The following IL1RAPL1 variants were observed in gnomAD, a reference collection of about 807,000 sequenced individuals.
IL1RAPL1 encodes the protein interleukin 1 receptor accessory protein like 1, also known as interleukin-1 receptor accessory protein-like 1.
A neutral mutation model predicts 48.4 loss-of-function variants in IL1RAPL1; 3 were observed. The observed-to-expected ratio is 0.06, with a 90% CI of 0.03 to 0.16. The LOEUF is 0.16. Among genes scored for constraint, IL1RAPL1 ranks in the 10% least tolerant of loss-of-function variants. The probability of loss-of-function intolerance (pLI) is 1.00; values close to 1 mark genes in which losing one functional copy is unlikely to be tolerated. For missense variants in IL1RAPL1, 349 were observed against 530.6 expected, an observed-to-expected ratio of 0.66 and a Z score of 3.36; for synonymous variants, 185 against 187.7, an observed-to-expected ratio of 0.99 and a Z score of 0.12.
chrX:29,116,274 A>C (rs988940081), intron 2 of IL1RAPL1, among the ~76,000 whole-genome samples: 3 of 111,077 alleles, frequency 2.7e-5, no homozygotes, highest in Admixed American at 9.7e-5. Context: ...GATCAAAATG[A>C]TACTTTAGGA....
chrX:29,345,934 C>T (rs1404141194), intron 3 of IL1RAPL1, among the ~76,000 whole-genome samples: 5 of 111,718 alleles, frequency 4.5e-5, no homozygotes, highest in African/African-American at 9.8e-5. Context: ...ATTTCCTTTC[C>T]CTATACTTTT....
intron 5 of IL1RAPL1, among the ~76,000 whole-genome samples, chrX:29,450,508 A>T (rs1934666924): frequency 9.0e-6 from 1 of 111,690 alleles, no homozygotes; most frequent in Non-Finnish European, 1.9e-5. Context: ...CCAAGCAAAG[A>T]GCCAGATTTT....
At chrX:29,477,871 G>A (rs1339695823) in intron 5 of IL1RAPL1, among the ~76,000 whole-genome samples, 1 of 111,950 alleles carries the variant, frequency 8.9e-6, no homozygotes, top group African/African-American at 3.3e-5. Context: ...GGCAGAGTAG[G>A]AAGTTGAATT....
intron 6 of IL1RAPL1, among the ~76,000 whole-genome samples, chrX:29,812,737 C>A (rs1930406134): frequency 1.8e-5 from 2 of 111,716 alleles, no homozygotes; most frequent in African/African-American, 6.5e-5. Context: ...TAAAAAGCTT[C>A]TTTTCCATAG....
At chrX:29,473,115 G>A (rs932371850) in intron 5 of IL1RAPL1, among the ~76,000 whole-genome samples, 1 of 111,510 alleles carries the variant, frequency 9.0e-6, no homozygotes, top group African/African-American at 3.3e-5. Flanking sequence ...GGCCATGAGG[G>A]AAGGATATGT....
At chrX:29,202,986 C>G (rs1335343598) in intron 2 of IL1RAPL1, among the ~76,000 whole-genome samples, 1 of 111,290 alleles carries the variant, frequency 9.0e-6, no homozygotes, top group Non-Finnish European at 1.9e-5. Context: ...AACAAACCTG[C>G]ACATCCACCC....
chrX:29,191,908 C>T (rs750833766), intron 2 of IL1RAPL1, among the ~76,000 whole-genome samples: 1 of 111,714 alleles, frequency 9.0e-6, no homozygotes, highest in African/African-American at 3.3e-5. Flanking sequence ...TAAGATGCGA[C>T]TACCCCAGCT....
chrX:28,602,648 G>A (rs1275538725), intron 1 of IL1RAPL1, among the ~76,000 whole-genome samples: 2 of 111,689 alleles, frequency 1.8e-5, no homozygotes, highest in Non-Finnish European at 3.8e-5. Context: ...AGAAGATGTG[G>A]GTTATTGTTC....
At chrX:29,094,786 A>G (rs1267385646) in intron 2 of IL1RAPL1, among the ~76,000 whole-genome samples, 1 of 83,057 alleles carries the variant, frequency 1.2e-5, no homozygotes. Flanking sequence ...AAAAAAAAAA[A>G]AAAAAAAAAA....
chrX:29,256,625 A>C (rs755599097), intron 2 of IL1RAPL1, among the ~76,000 whole-genome samples: 2 of 111,808 alleles, frequency 1.8e-5, no homozygotes, highest in East Asian at 5.6e-4. Flanking sequence ...CTGATAGTTC[A>C]GTGACACATA....
intron 2 of IL1RAPL1, among the ~76,000 whole-genome samples, chrX:28,966,866 C>T (rs1280425305): frequency 2.7e-5 from 3 of 111,648 alleles, no homozygotes; most frequent in Middle Eastern, 4.6e-3. Context: ...CATTTAGGCA[C>T]CACAAAGGAA....
At chrX:29,165,084 C>T (rs901772201) in intron 2 of IL1RAPL1, among the ~76,000 whole-genome samples, 5 of 111,800 alleles carry the variant, frequency 4.5e-5, no homozygotes, top group Admixed American at 9.6e-5. Flanking sequence ...TTTAGGGGGC[C>T]GAGGCGGGTG....
chrX:29,873,389 A>C (rs368681400), intron 6 of IL1RAPL1, among the ~76,000 whole-genome samples: 986 of 85,561 alleles, frequency 0.012, 20 homozygotes, highest in African/African-American at 0.045. Context: ...CCCCCCCCCC[A>C]ATTATATGTT....
intron 2 of IL1RAPL1, among the ~76,000 whole-genome samples, chrX:29,275,009 T>A (rs917500977): frequency 1.2e-4 from 13 of 110,885 alleles, no homozygotes; most frequent in African/African-American, 3.6e-4. Flanking sequence ...TTCTGAGTTG[T>A]CTCCTTACTC....
At chrX:29,411,345 G>A in intron 5 of IL1RAPL1, among the ~76,000 whole-genome samples, 1 of 112,377 alleles carries the variant, frequency 8.9e-6, no homozygotes, top group Non-Finnish European at 1.9e-5. Context: ...TGATGCCTGT[G>A]TGAGAGCATA....
At chrX:29,798,535 C>A (rs761298051) in intron 6 of IL1RAPL1, among the ~76,000 whole-genome samples, 21 of 111,811 alleles carry the variant, frequency 1.9e-4, no homozygotes, top group Non-Finnish European at 3.8e-4. Flanking sequence ...TAGTAAGCAT[C>A]TGCTATAATA....
intron 5 of IL1RAPL1, among the ~76,000 whole-genome samples, chrX:29,490,402 A>C (rs986768128): frequency 3.6e-5 from 4 of 110,274 alleles, no homozygotes; most frequent in Non-Finnish European, 7.6e-5. Context: ...GTGTGGTGAC[A>C]CATGCCAGTA....
chrX:28,772,755 C>T (rs756456830), intron 1 of IL1RAPL1, among the ~76,000 whole-genome samples: 11 of 111,748 alleles, frequency 9.8e-5, no homozygotes, highest in African/African-American at 3.6e-4. Flanking sequence ...AACTGTTAGA[C>T]AAAATATGAT....
intron 5 of IL1RAPL1, among the ~76,000 whole-genome samples, chrX:29,590,421 C>T (rs1471269397): frequency 9.0e-6 from 1 of 111,655 alleles, no homozygotes; most frequent in African/African-American, 3.3e-5. Flanking sequence ...TGGGTAGTCT[C>T]ATGCCTTCCC....
Sources: gnomAD v4.1 joint callset for allele counts (sites outside exome capture counted in the v4.1 genomes callset) on GRCh38, gnomAD v4.1.1 for gene constraint, MANE v1.5 for transcripts, NCBI Gene and HGNC (gene_info 2026-07-23, HGNC 2026-07-21) for gene names.